ADAM12: variants seen among roughly 807,000 people sequenced by gnomAD.
The protein encoded by ADAM12 is disintegrin and metalloproteinase domain-containing protein 12.
ADAM12 carries 70 observed loss-of-function variants against 106.4 expected under a neutral mutation model. The ratio of observed to expected loss-of-function variants is 0.66; its 90% confidence interval spans 0.54 to 0.80. The LOEUF (loss-of-function observed/expected upper bound fraction) is 0.80. ADAM12 is among the 30% of genes least tolerant of loss of function. ADAM12 has a pLI of 0.00. For synonymous variants in ADAM12, 420 were observed against 433.5 expected (o/e 0.97, Z 0.39); for missense variants, 1,010 against 1,171.9 (o/e 0.86, Z 2.02).
At chr10:126,111,601 G>A (rs1485405272) in intron 6 of ADAM12, among the ~76,000 whole-genome samples, 5 of 152,146 alleles carry the variant, frequency 3.3e-5, no homozygotes, top group African/African-American at 1.2e-4. Flanking sequence ...CTGCAGAGGG[G>A]TGAAATAAAC....
intron 3 of ADAM12, among the ~76,000 whole-genome samples, chr10:126,276,425 A>G (rs1959248126): frequency 6.6e-6 from 1 of 152,242 alleles, no homozygotes; most frequent in East Asian, 1.9e-4. Flanking sequence ...TAACAGCATT[A>G]CATGCTAGTA....
chr10:126,277,506 C>A (rs1007735019), intron 3 of ADAM12, among the ~76,000 whole-genome samples: 31 of 152,000 alleles, frequency 2.0e-4, no homozygotes, highest in Admixed American at 7.9e-4. Context: ...TCAGGGAATG[C>A]CTAGCTTCTT....
In ADAM12 at chr10:126,076,396, T is replaced by C. The variant is rs1178427442; in HGVS notation, c.1146-4742A>G. On this transcript the variant is annotated intron_variant, in intron 11 of 22. Coordinates refer to ENST00000448723, the MANE Select transcript of ADAM12 (RefSeq NM_001288973.2). ...TGAAAGTATGAGGGCACGTGTCTTT[T>C]TGGTAGAATGAGTTATTTTCTTTTG... Among the ~76,000 whole-genome samples, 4 of 152,220 alleles carry C rather than the reference T, an allele frequency of 2.6e-5. No individual in the cohort carries two copies. In the East Asian group the frequency reaches 7.7e-4, roughly 29 times the overall value.
chr10:126,086,681 ATATATAT>A (rs1316756575), intron 11 of ADAM12, among the ~76,000 whole-genome samples: 1 of 28,470 alleles, frequency 3.5e-5, no homozygotes, highest in African/African-American at 3.2e-4. Flanking sequence ...AAAAAAAAAA[ATATATAT>A]ATATATATAT....
At chr10:126,191,019 T>TC (rs1957491181) in intron 3 of ADAM12, among the ~76,000 whole-genome samples, 1 of 136,602 alleles carries the variant, frequency 7.3e-6, no homozygotes, top group Non-Finnish European at 1.5e-5. Flanking sequence ...TTTTTTTTTT[T>TC]CAGACAGAGT....
At chr10:126,295,152 A>C (rs1431509661) in intron 2 of ADAM12, among the ~76,000 whole-genome samples, 1 of 152,028 alleles carries the variant, frequency 6.6e-6, no homozygotes, top group African/African-American at 2.4e-5. Flanking sequence ...TTAATATTAT[A>C]GCTTCCTCTC....
intron 13 of ADAM12, among the ~76,000 whole-genome samples, chr10:126,065,678 C>T (rs1054120084): frequency 1.1e-4 from 16 of 152,178 alleles, no homozygotes; most frequent in African/African-American, 3.1e-4. Context: ...TCCCTGCATA[C>T]TCCTCAAACG....
At chr10:126,219,118 T>C (rs976037570) in intron 3 of ADAM12, among the ~76,000 whole-genome samples, 4 of 152,232 alleles carry the variant, frequency 2.6e-5, no homozygotes, top group African/African-American at 9.6e-5. Context: ...TGCTCTGTAG[T>C]TGTACAACTC....
intron 1 of ADAM12, among the ~76,000 whole-genome samples, chr10:126,353,534 A>AT (rs1183211362): frequency 6.6e-6 from 1 of 152,232 alleles, no homozygotes; most frequent in Admixed American, 6.5e-5. Context: ...GCACTCAATG[A>AT]TAAACAAGGC....
Position 126,108,679 on chromosome 10 carries a change from A to C in ADAM12, c.670-15T>G. On this transcript the variant is annotated splice_polypyrimidine_tract_variant and intron_variant, in intron 7 of 22. Coordinates refer to ENST00000448723, the MANE Select transcript of ADAM12 (RefSeq NM_001288973.2). ...TGCCTCTGAAACTTAACAATTTTAA[A>C]TGGCAGCATTAATACCAGCAAGAAT... 1 of 1,606,884 alleles carries C rather than the reference A, an allele frequency of 6.2e-7. No individual in the cohort carries two copies. The highest frequency in any genetic ancestry group is 8.5e-7 in the Non-Finnish European group (1 of 1,173,384).
rs1954308536 is a variant in ADAM12, at chr10:126,046,047, C to T, written c.1995+8G>A. The T allele has an allele frequency of 1.2e-6, 2 of 1,613,308 alleles. No homozygotes were observed. The highest frequency in any genetic ancestry group is 1.7e-6 in the Non-Finnish European group (2 of 1,179,296). On this transcript the variant is annotated splice_region_variant and intron_variant, in intron 17 of 22. Coordinates refer to ENST00000448723, the MANE Select transcript of ADAM12 (RefSeq NM_001288973.2). ...GCTGGCTGTAAAAGGGCAGCTCAGC[C>T]TACTCACCCCTCTGCCGTGGCACTG...
chr10:126,234,710 T>C lies in ADAM12; in HGVS notation c.260+44205A>G, dbSNP rs1958380807. Among the ~76,000 whole-genome samples, 5 of 152,232 alleles carry C rather than the reference T, an allele frequency of 3.3e-5. No homozygotes were observed. The South Asian group carries it at 1.0e-3, about 31-fold the overall frequency. On this transcript the variant is annotated intron_variant, in intron 3 of 22. Transcript: ENST00000448723. ...ATGCAGATCTGTATTTGCTTCCATC[T>C]GTGTGAGGAGTTGGAGAGGCAAGAA...
chr10:126,112,653 A>G (rs370853884), intron 6 of ADAM12, among the ~76,000 whole-genome samples: 20 of 152,346 alleles, frequency 1.3e-4, no homozygotes, highest in African/African-American at 4.6e-4. Context: ...TTAGAAAAGC[A>G]AGTTGACATT....
At chr10:126,086,680 A>AAAAAATATATAT (rs1554966976) in intron 11 of ADAM12, among the ~76,000 whole-genome samples, 2 of 24,274 alleles carry the variant, frequency 8.2e-5, no homozygotes, top group Non-Finnish European at 5.9e-5. Flanking sequence ...AAAAAAAAAA[A>AAAAAATATATAT]ATATATATAT....
At chr10:126,384,283 T>C (rs969150157) in intron 1 of ADAM12, among the ~76,000 whole-genome samples, 1 of 152,156 alleles carries the variant, frequency 6.6e-6, no homozygotes, top group African/African-American at 2.4e-5. Context: ...TGCTGTCATG[T>C]TTTTTTGTTA....
chr10:126,368,847 G>A (rs886307084), intron 1 of ADAM12, among the ~76,000 whole-genome samples: 1 of 152,074 alleles, frequency 6.6e-6, no homozygotes, highest in Non-Finnish European at 1.5e-5. Context: ...CTAAATGCTA[G>A]CTATAGAATA....
At chr10:126,086,000 G>A (rs1167581849) in intron 11 of ADAM12, among the ~76,000 whole-genome samples, 1 of 152,202 alleles carries the variant, frequency 6.6e-6, no homozygotes, top group Non-Finnish European at 1.5e-5. Flanking sequence ...AGCCATGGGG[G>A]TAAGTGTGTG....
intron 2 of ADAM12, among the ~76,000 whole-genome samples, chr10:126,282,731 C>T (rs1285760317): frequency 1.3e-5 from 2 of 152,100 alleles, no homozygotes; most frequent in African/African-American, 2.4e-5. Flanking sequence ...CTTTGGCATT[C>T]TTTCTCTCCA....
intron 3 of ADAM12, among the ~76,000 whole-genome samples, chr10:126,261,612 T>C (rs1959002654): frequency 6.6e-6 from 1 of 152,164 alleles, no homozygotes; most frequent in Non-Finnish European, 1.5e-5. Context: ...CATCTCTGTG[T>C]CTCAAACCCC....
Sources: gnomAD v4.1 joint callset for allele counts (sites outside exome capture counted in the v4.1 genomes callset) on GRCh38, gnomAD v4.1.1 for gene constraint, MANE v1.5 for transcripts, NCBI Gene and HGNC (gene_info 2026-07-23, HGNC 2026-07-21) for gene names.